Variants in LAMA2 observed in about 807,000 individuals in gnomAD.
The protein encoded by LAMA2 is laminin subunit alpha-2.
LAMA2 carries 269 observed loss-of-function variants against 364.8 expected under a neutral mutation model. The observed-to-expected ratio is 0.74, with a 90% CI of 0.67 to 0.82. The LOEUF (loss-of-function observed/expected upper bound fraction) is 0.82. Among genes scored for constraint, LAMA2 ranks in the 40% least tolerant of loss-of-function variants. LAMA2 has a pLI of 0.00. For synonymous variants in LAMA2, 1,379 were observed against 1,370.6 expected, an observed-to-expected ratio of 1.01 and a Z score of -0.14; for missense variants, 3,807 against 3,873.2, an observed-to-expected ratio of 0.98 and a Z score of 0.45.
At chr6:129,160,054 A>G (rs1056084772) in intron 8 of LAMA2, among the ~76,000 whole-genome samples, 4 of 152,184 alleles carry the variant, frequency 2.6e-5, no homozygotes, top group Admixed American at 1.3e-4. Flanking sequence ...ATATTGGTCT[A>G]TAATTTTATT....
chr6:129,212,241 G>A (rs374372446), intron 12 of LAMA2, among the ~76,000 whole-genome samples: 3 of 152,196 alleles, frequency 2.0e-5, no homozygotes, highest in East Asian at 3.9e-4. Context: ...TGTGCTCTGT[G>A]GATCAGGAGG....
chr6:128,971,970 A>T (rs1221137428), intron 1 of LAMA2, among the ~76,000 whole-genome samples: 1 of 152,156 alleles, frequency 6.6e-6, no homozygotes, highest in African/African-American at 2.4e-5. Context: ...CCCTTGCCTC[A>T]GCTGAGAGAT....
rs564811719 is a variant in LAMA2 at position 129,206,921 on chromosome 6, G to A, written c.1782+14068G>A. ...GCACATCGAAAGCTGACGGAATTGA[G>A]CCAATTAGACTGACTGTCTCTTCAA... On this transcript the variant is annotated intron_variant, in intron 12 of 64. Transcript: ENST00000421865. Among the ~76,000 whole-genome samples, 5 of 152,290 alleles carry A rather than the reference G, an allele frequency of 3.3e-5. No individual in the cohort carries two copies. The East Asian group carries it at 7.7e-4, about 24-fold the overall frequency.
At chr6:129,317,126 A>G (rs1774664046) in intron 27 of LAMA2, among the ~76,000 whole-genome samples, 1 of 152,152 alleles carries the variant, frequency 6.6e-6, no homozygotes, top group Non-Finnish European at 1.5e-5. Context: ...CTTTGAGTAG[A>G]CGGTTCACCT....
intron 59 of LAMA2, 46 bp from the exon 60 acceptor site, chr6:129,503,045 A>G: frequency 6.5e-7 from 1 of 1,531,416 alleles, no homozygotes; most frequent in Non-Finnish European, 9.1e-7. Flanking sequence ...TTAGCATGAG[A>G]ATGCTGTTAT....
At chr6:129,480,768 G>A (rs1317116297) in intron 54 of LAMA2, among the ~76,000 whole-genome samples, 1 of 152,102 alleles carries the variant, frequency 6.6e-6, no homozygotes, top group Non-Finnish European at 1.5e-5. Flanking sequence ...TTATTTTTAA[G>A]GTTTGGTCTT....
At chr6:129,200,112 G>GCAGGAGCTCAAGGTCAAACA (rs1782108056) in intron 12 of LAMA2, among the ~76,000 whole-genome samples, 11 of 123,618 alleles carry the variant, frequency 8.9e-5, no homozygotes, top group Non-Finnish European at 1.7e-5. Context: ...ATGTGTACAC[G>GCAGGAGCTCAAGGTCAAACA]TATATATATG....
At chr6:129,046,519 C>T (rs943881140) in intron 1 of LAMA2, among the ~76,000 whole-genome samples, 1 of 152,138 alleles carries the variant, frequency 6.6e-6, no homozygotes, top group South Asian at 2.1e-4. Flanking sequence ...AAAACCTGCC[C>T]TCATGATTCA....
intron 12 of LAMA2, among the ~76,000 whole-genome samples, chr6:129,210,024 A>AAAAAAAT (rs200129656): frequency 6.9e-6 from 1 of 145,242 alleles, no homozygotes; most frequent in African/African-American, 2.6e-5. Context: ...AAAAAAAAAA[A>AAAAAAAT]ATTTTTACTA....
chr6:129,447,151 C>T (rs1356846481), intron 45 of LAMA2, among the ~76,000 whole-genome samples: 1 of 152,044 alleles, frequency 6.6e-6, no homozygotes, highest in Non-Finnish European at 1.5e-5. Flanking sequence ...TACACAAAGA[C>T]GAATAAAGGA....
chr6:129,459,478 C>G (rs559312257), intron 48 of LAMA2, among the ~76,000 whole-genome samples: 2 of 151,984 alleles, frequency 1.3e-5, no homozygotes, highest in African/African-American at 4.8e-5. Flanking sequence ...GATTATTTGT[C>G]GATTCTCTAT....
At chr6:129,279,359 C>A (rs1285994126) in intron 17 of LAMA2, among the ~76,000 whole-genome samples, 1 of 152,172 alleles carries the variant, frequency 6.6e-6, no homozygotes, top group Non-Finnish European at 1.5e-5. Context: ...GGTTCTTCAT[C>A]TGGTGTTCAG....
intron 32 of LAMA2, among the ~76,000 whole-genome samples, chr6:129,357,739 A>G (rs1777228135): frequency 6.6e-6 from 1 of 152,022 alleles, no homozygotes; most frequent in South Asian, 2.1e-4. Context: ...GCCAGTTGCC[A>G]CCAAAGATCT....
chr6:129,152,321 A>T (rs187146657), intron 7 of LAMA2, among the ~76,000 whole-genome samples: 3 of 152,358 alleles, frequency 2.0e-5, no homozygotes, highest in African/African-American at 7.2e-5. Flanking sequence ...ATAACACACA[A>T]GGTTGGTGGC....
chr6:129,507,792 G>A lies in LAMA2; in HGVS notation c.8857+150G>A. ...AACTTATGGAAGTAATTTCAAAAAT[G>A]CCTCTTAAAAATTCATGTATCTGAT... On this transcript the variant is annotated intron_variant, in intron 62 of 64. Coordinates refer to ENST00000421865, the MANE Select transcript of LAMA2 (RefSeq NM_000426.4). 4 of 778,624 alleles carry A rather than the reference G, an allele frequency of 5.1e-6. No homozygotes were observed. In the East Asian group the frequency reaches 7.7e-5, roughly 15 times the overall value. The allele number at this position is 778,624 out of a possible 1,614,324, so 48.2% of individuals were successfully genotyped here.
intron 41 of LAMA2, among the ~76,000 whole-genome samples, chr6:129,431,566 G>C (rs1437580924): frequency 6.6e-6 from 1 of 152,026 alleles, no homozygotes; most frequent in East Asian, 1.9e-4. Context: ...CCAATGCAGG[G>C]GTTGGAGAGC....
intron 12 of LAMA2, among the ~76,000 whole-genome samples, chr6:129,236,881 ATG>A (rs922055924): frequency 2.6e-5 from 4 of 152,176 alleles, no homozygotes; most frequent in African/African-American, 9.6e-5. Context: ...TCTTCATTAT[ATG>A]TGTAAGTATA....
chr6:129,272,199 G>A (rs1361924585), intron 17 of LAMA2, among the ~76,000 whole-genome samples: 1 of 152,156 alleles, frequency 6.6e-6, no homozygotes, highest in Non-Finnish European at 1.5e-5. Context: ...TATAGATTAA[G>A]AAATGAAGGC....
intron 35 of LAMA2, among the ~76,000 whole-genome samples, chr6:129,389,576 G>A (rs1779207039): frequency 6.6e-6 from 1 of 152,178 alleles, no homozygotes; most frequent in South Asian, 2.1e-4. Context: ...CTGCTATAAA[G>A]AACTACCTGA....
Sources: gnomAD v4.1 joint callset for allele counts (sites outside exome capture counted in the v4.1 genomes callset) on GRCh38, gnomAD v4.1.1 for gene constraint, MANE v1.5 for transcripts, NCBI Gene and HGNC (gene_info 2026-07-23, HGNC 2026-07-21) for gene names.